PHACTR1: variants seen among roughly 807,000 people sequenced by gnomAD.
PHACTR1 encodes the protein RPEL repeat containing 1.
A neutral mutation model predicts 69.2 loss-of-function variants in PHACTR1; 16 were observed. The ratio of observed to expected loss-of-function variants is 0.23; its 90% CI spans 0.16 to 0.35. The LOEUF is 0.35. Ranked by LOEUF, PHACTR1 falls within the 10% of genes least tolerant of loss-of-function variation. The pLI is 1.00. For synonymous variants in PHACTR1, 312 were observed against 284.5 expected, an observed-to-expected ratio of 1.10 and a Z score of -0.97; for missense variants, 510 against 734.7, an observed-to-expected ratio of 0.69 and a Z score of 3.54.
chr6:13,261,830 TAGAC>T (rs557967461), intron 10 of PHACTR1, among the ~76,000 whole-genome samples: 59 of 152,278 alleles, frequency 3.9e-4, no homozygotes, highest in African/African-American at 1.2e-3. Context: ...TATTGTCAGT[TAGAC>T]AGACAAAGAG....
intron 4 of PHACTR1, among the ~76,000 whole-genome samples, chr6:12,883,323 C>T (rs553054929): frequency 2.0e-5 from 3 of 152,166 alleles, no homozygotes; most frequent in Non-Finnish European, 2.9e-5. Context: ...AAGCAATTCT[C>T]CCTGCCTCAG....
chr6:12,944,360 T>C (rs1790371238), intron 4 of PHACTR1, among the ~76,000 whole-genome samples: 1 of 152,146 alleles, frequency 6.6e-6, no homozygotes, highest in South Asian at 2.1e-4. Context: ...TGCCTAAAAA[T>C]GCAAAACATA....
chr6:12,961,850 C>T (rs1313247957), intron 4 of PHACTR1, among the ~76,000 whole-genome samples: 1 of 152,166 alleles, frequency 6.6e-6, no homozygotes, highest in Non-Finnish European at 1.5e-5. Flanking sequence ...TAGATGGCCA[C>T]GTTCTCACCT....
intron 8 of PHACTR1, among the ~76,000 whole-genome samples, chr6:13,207,140 C>T (rs146315724): frequency 6.0e-4 from 91 of 152,226 alleles, no homozygotes; most frequent in Non-Finnish European, 1.1e-3. Context: ...AAAATGTATA[C>T]GTAGTCATTA....
At chr6:13,160,746 T>A (rs1447024866) in intron 6 of PHACTR1, among the ~76,000 whole-genome samples, 2 of 152,202 alleles carry the variant, frequency 1.3e-5, no homozygotes, top group African/African-American at 4.8e-5. Context: ...CACAATAGAA[T>A]AAATTGAAGG....
chr6:12,970,737 C>A (rs1347266616), intron 4 of PHACTR1, among the ~76,000 whole-genome samples: 1 of 152,222 alleles, frequency 6.6e-6, no homozygotes, highest in Admixed American at 6.5e-5. Flanking sequence ...GCCTGGGCAA[C>A]AGAGCAAGAC....
intron 4 of PHACTR1, among the ~76,000 whole-genome samples, chr6:12,849,010 A>G (rs1026529802): frequency 2.4e-4 from 36 of 152,094 alleles, no homozygotes; most frequent in African/African-American, 6.7e-4. Context: ...GACAGGCACT[A>G]TTCTTTTTAA....
chr6:13,010,164 G>A (rs1799283284), intron 4 of PHACTR1, among the ~76,000 whole-genome samples: 1 of 151,792 alleles, frequency 6.6e-6, no homozygotes, highest in South Asian at 2.1e-4. Flanking sequence ...TTTTGCTCTT[G>A]TTGCCCAGGC....
At chr6:12,790,207 C>G (rs551188988) in intron 4 of PHACTR1, among the ~76,000 whole-genome samples, 1 of 152,202 alleles carries the variant, frequency 6.6e-6, no homozygotes, top group Non-Finnish European at 1.5e-5. Flanking sequence ...AGAGTAAAAG[C>G]CAAAATCCTG....
rs1052571968 is a variant in PHACTR1, at chr6:13,287,319, C to A, written c.*241C>A. The A allele has an allele frequency of 3.6e-6, 2 of 548,696 alleles. No homozygotes were observed. The highest frequency in any genetic ancestry group is 3.9e-5 in the African/African-American group (2 of 51,276). 34.0% of individuals were successfully genotyped at this position (548,696 alleles called of 1,614,324 possible). A position where few individuals can be genotyped will look rare whatever the true frequency, so the allele number is the denominator to read the frequency against. On this transcript the variant is annotated 3_prime_UTR_variant, in exon 15 of 15. Coordinates refer to ENST00000332995, the MANE Select transcript of PHACTR1 (RefSeq NM_030948.6). Reference sequence around the variant, plus strand: ...CACCAAAATGCATCCCAACCCCCGGCAGTGCCAAGGGCACCAGCAGGGCCC... The same window carrying A: ...CACCAAAATGCATCCCAACCCCCGGAAGTGCCAAGGGCACCAGCAGGGCCC...
At chr6:12,838,672 A>T (rs1017432778) in intron 4 of PHACTR1, among the ~76,000 whole-genome samples, 17 of 152,202 alleles carry the variant, frequency 1.1e-4, no homozygotes, top group African/African-American at 4.1e-4. Flanking sequence ...TTGCAACTCT[A>T]AATCAATGAG....
At chr6:13,267,462 C>G (rs1344531425) in intron 10 of PHACTR1, 1 of 122,412 alleles carries the variant, frequency 8.2e-6, no homozygotes, top group Non-Finnish European at 1.9e-5. Flanking sequence ...GCCCCACTTC[C>G]ATGTGGCTGC....
At chr6:13,155,808 A>C (rs532789557) in intron 5 of PHACTR1, among the ~76,000 whole-genome samples, 1 of 152,166 alleles carries the variant, frequency 6.6e-6, no homozygotes, top group Admixed American at 6.5e-5. Context: ...GAATCACTTG[A>C]ACCCAGGAGG....
At chr6:12,894,403 G>A (rs1244962989) in intron 4 of PHACTR1, among the ~76,000 whole-genome samples, 1 of 152,142 alleles carries the variant, frequency 6.6e-6, no homozygotes, top group Non-Finnish European at 1.5e-5. Flanking sequence ...TCAGGAGTTC[G>A]AGACCAGCCT....
At chr6:12,984,275 A>G (rs1254509512) in intron 4 of PHACTR1, among the ~76,000 whole-genome samples, 2 of 152,220 alleles carry the variant, frequency 1.3e-5, no homozygotes, top group East Asian at 3.8e-4. Context: ...TGTATTTTGA[A>G]TTTAGATTAA....
chr6:12,784,057 C>G (rs1771173079), intron 4 of PHACTR1, among the ~76,000 whole-genome samples: 1 of 151,854 alleles, frequency 6.6e-6, no homozygotes, highest in African/African-American at 2.4e-5. Flanking sequence ...CACATATGCA[C>G]ATATACATGA....
At chr6:12,965,032 A>C (rs7776275) in intron 4 of PHACTR1, among the ~76,000 whole-genome samples, 3,495 of 152,264 alleles carry the variant, frequency 0.023, 129 homozygotes, top group African/African-American at 0.079. Context: ...TTTGCATATA[A>C]TCTATGTACA....
At chr6:12,831,384 G>A (rs1484438900) in intron 4 of PHACTR1, among the ~76,000 whole-genome samples, 1 of 152,158 alleles carries the variant, frequency 6.6e-6, no homozygotes, top group Non-Finnish European at 1.5e-5. Context: ...CAGGACCTCA[G>A]GTACATATTG....
intron 4 of PHACTR1, among the ~76,000 whole-genome samples, chr6:12,836,914 A>G (rs1338918613): frequency 6.6e-6 from 1 of 152,106 alleles, no homozygotes; most frequent in Non-Finnish European, 1.5e-5. Flanking sequence ...CAGTTTCCAC[A>G]TTCTGATGAT....
Sources: allele counts gnomAD v4.1 joint callset (sites outside exome capture counted in the v4.1 genomes callset), GRCh38; gene constraint gnomAD v4.1.1; transcripts MANE v1.5; gene names NCBI Gene and HGNC (gene_info 2026-07-23, HGNC 2026-07-21).